The following SLC30A8 variants were observed in gnomAD, a reference collection of about 807,000 sequenced individuals.
SLC30A8 encodes proton-coupled zinc antiporter SLC30A8.
In SLC30A8, 27 loss-of-function variants were observed where a neutral mutation model predicts 36.9. The observed-to-expected ratio is 0.73, with a 90% CI of 0.54 to 1.01. SLC30A8 has a LOEUF of 1.01. SLC30A8 is among the 50% of genes least tolerant of loss of function. The probability of loss-of-function intolerance (pLI) is 0.00; values close to 1 mark genes in which losing one functional copy is unlikely to be tolerated. For missense variants in SLC30A8, 439 were observed against 452.0 expected, an observed-to-expected ratio of 0.97 and a Z score of 0.26; for synonymous variants, 164 against 172.4, an observed-to-expected ratio of 0.95 and a Z score of 0.38.
Position 117,135,399 on chromosome 8 carries a change from G to A in SLC30A8, c.71+1G>A, listed in dbSNP as rs1272858686. 1.3e-6 allele frequency: 2 copies of A among 1,578,054 alleles called. No homozygotes were observed. The highest frequency in any genetic ancestry group is 2.7e-5 in the African/African-American group (2 of 74,046). On this transcript the variant is annotated splice_donor_variant, in intron 1 of 7. Coordinates refer to ENST00000456015, the MANE Select transcript of SLC30A8 (RefSeq NM_173851.3). LOFTEE classifies it high-confidence loss of function. ...AGATGTATGCTTTCACACTAGAAAG[G>A]TAATAGATGTCTGTGTCTGCTTCAC...
intron 4 of SLC30A8, among the ~76,000 whole-genome samples, chr8:117,159,941 A>C (rs1822691807): frequency 6.6e-6 from 1 of 152,182 alleles, no homozygotes; most frequent in Non-Finnish European, 1.5e-5. Flanking sequence ...TGACCTTAAC[A>C]TTGCAGGTGC....
At chr8:116,975,732 C>G (rs935494343) in intron 1 of SLC30A8, among the ~76,000 whole-genome samples, 5 of 152,212 alleles carry the variant, frequency 3.3e-5, no homozygotes, top group Non-Finnish European at 2.9e-5. Context: ...TGAAGCTGTG[C>G]TAAAGGAGGC....
intron 2 of SLC30A8, among the ~76,000 whole-genome samples, chr8:117,090,882 C>T (rs533536988): frequency 1.3e-5 from 2 of 152,262 alleles, no homozygotes; most frequent in East Asian, 1.9e-4. Flanking sequence ...ACCCTCTGGG[C>T]AAAACCAATG....
chr8:117,064,233 C>T (rs560488892), intron 2 of SLC30A8, among the ~76,000 whole-genome samples: 1 of 152,194 alleles, frequency 6.6e-6, no homozygotes, highest in South Asian at 2.1e-4. Flanking sequence ...TTCAGGTGAT[C>T]TGCCCACCTG....
chr8:117,147,972 T>C (rs1438386308), intron 2 of SLC30A8, among the ~76,000 whole-genome samples: 6 of 152,102 alleles, frequency 3.9e-5, no homozygotes, highest in Non-Finnish European at 7.4e-5. Context: ...TTTAGAAAAT[T>C]TTTAGTTCTC....
intron 2 of SLC30A8, among the ~76,000 whole-genome samples, chr8:117,048,740 G>C (rs1817624465): frequency 6.6e-6 from 1 of 152,204 alleles, no homozygotes; most frequent in African/African-American, 2.4e-5. Flanking sequence ...TGCTCAACAA[G>C]TATTTGTTGA....
At chr8:117,022,821 G>A (rs1018101044) in intron 1 of SLC30A8, among the ~76,000 whole-genome samples, 6 of 152,064 alleles carry the variant, frequency 3.9e-5, no homozygotes, top group East Asian at 1.9e-4. Flanking sequence ...GCATGGGCAA[G>A]GACTTCATGT....
intron 2 of SLC30A8, among the ~76,000 whole-genome samples, chr8:117,067,813 T>C (rs1818214836): frequency 6.6e-6 from 1 of 152,208 alleles, no homozygotes; most frequent in African/African-American, 2.4e-5. Flanking sequence ...AGGCACAATG[T>C]TCTAGTCATA....
intron 4 of SLC30A8, among the ~76,000 whole-genome samples, chr8:117,158,329 C>T (rs1036743379): frequency 3.3e-5 from 5 of 152,180 alleles, no homozygotes; most frequent in Non-Finnish European, 5.9e-5. Context: ...TGGTGGCTTC[C>T]CAGTGAGCTG....
At chr8:116,977,141 C>CTATTTTTTT (rs1815063107) in intron 1 of SLC30A8, among the ~76,000 whole-genome samples, 1 of 59,094 alleles carries the variant, frequency 1.7e-5, no homozygotes, top group Non-Finnish European at 2.8e-5. Flanking sequence ...CTTTTTCTTG[C>CTATTTTTTT]TTTTTTTTTT....
chr8:117,071,981 ACT>A (rs1334912424), intron 2 of SLC30A8, among the ~76,000 whole-genome samples: 1 of 151,788 alleles, frequency 6.6e-6, no homozygotes, highest in African/African-American at 2.4e-5. Context: ...TAAGAGCCTA[ACT>A]CTTACAGACT....
intron 2 of SLC30A8, among the ~76,000 whole-genome samples, chr8:117,072,443 T>C (rs909855277): frequency 3.9e-5 from 6 of 152,238 alleles, no homozygotes; most frequent in Non-Finnish European, 8.8e-5. Context: ...AGAATATGCC[T>C]GTGTTTATTT....
At chr8:117,053,657 T>C (rs927356709) in intron 2 of SLC30A8, among the ~76,000 whole-genome samples, 6 of 152,204 alleles carry the variant, frequency 3.9e-5, no homozygotes, top group African/African-American at 1.4e-4. Context: ...TTGAACCCTT[T>C]TCTGTCTGAA....
At chr8:117,035,702 G>A (rs890589873) in intron 1 of SLC30A8, among the ~76,000 whole-genome samples, 2 of 152,354 alleles carry the variant, frequency 1.3e-5, no homozygotes, top group Admixed American at 1.3e-4. Flanking sequence ...TTCCAACCCT[G>A]CAGCAGACTT....
intron 1 of SLC30A8, among the ~76,000 whole-genome samples, chr8:116,977,028 A>G (rs1474922677): frequency 6.6e-6 from 1 of 150,690 alleles, no homozygotes; most frequent in Non-Finnish European, 1.5e-5. Flanking sequence ...CATGTTGGCC[A>G]GGATTGTCTT....
intron 1 of SLC30A8, among the ~76,000 whole-genome samples, chr8:116,968,610 G>A (rs1814679649): frequency 6.6e-6 from 1 of 151,336 alleles, no homozygotes; most frequent in Admixed American, 6.6e-5. Context: ...AGGAAGTATA[G>A]AAGTGCCACC....
chr8:117,158,089 G>A (rs1822593376), intron 4 of SLC30A8, among the ~76,000 whole-genome samples: 1 of 152,194 alleles, frequency 6.6e-6, no homozygotes, highest in Non-Finnish European at 1.5e-5. Context: ...GGGTTAGGAT[G>A]TTTGAATATA....
chr8:117,072,504 A>G (rs956150127), intron 2 of SLC30A8, among the ~76,000 whole-genome samples: 3 of 152,224 alleles, frequency 2.0e-5, no homozygotes, highest in Admixed American at 1.3e-4. Context: ...CCTAGTATAC[A>G]TCTAATCAAG....
intron 2 of SLC30A8, 118 bp from the exon 3 acceptor site, chr8:117,152,826 C>T: frequency 1.3e-6 from 1 of 765,906 alleles, no homozygotes; most frequent in Non-Finnish European, 2.0e-6. Flanking sequence ...ACTTTAAGAT[C>T]TCTTTTTCCT....
Sources: gnomAD v4.1 joint callset for allele counts (sites outside exome capture counted in the v4.1 genomes callset) on GRCh38, gnomAD v4.1.1 for gene constraint, MANE v1.5 for transcripts, NCBI Gene and HGNC (gene_info 2026-07-23, HGNC 2026-07-21) for gene names.